The following KATNBL1 variants were observed in gnomAD, a reference collection of about 807,000 sequenced individuals.
KATNBL1 encodes the protein KATNB1-like protein 1.
In KATNBL1, 28 loss-of-function variants were observed where a neutral mutation model predicts 44.7. The ratio of observed to expected loss-of-function variants is 0.63; its 90% CI spans 0.46 to 0.86. The LOEUF is 0.86. Ranked by LOEUF, KATNBL1 falls within the 40% of genes least tolerant of loss-of-function variation. The pLI is 0.00. For synonymous variants in KATNBL1, 78 were observed against 114.9 expected, an observed-to-expected ratio of 0.68 and a Z score of 2.06; for missense variants, 272 against 350.7, an observed-to-expected ratio of 0.78 and a Z score of 1.79.
At chr15:34,186,371 C>T (rs375183200) in intron 1 of KATNBL1, among the ~76,000 whole-genome samples, 3 of 152,208 alleles carry the variant, frequency 2.0e-5, no homozygotes, top group Non-Finnish European at 4.4e-5. Context: ...AAGCAGGAGC[C>T]CTGCCCAGGT....
intron 1 of KATNBL1, among the ~76,000 whole-genome samples, chr15:34,202,110 A>G (rs79751246): frequency 0.067 from 10,231 of 152,322 alleles, 393 homozygotes; most frequent in Middle Eastern, 0.11. Context: ...ATGAATGTAT[A>G]CATACATAAA....
chr15:34,199,467 T>G (rs1171125499), intron 1 of KATNBL1: 1 of 152,120 alleles, frequency 6.6e-6, no homozygotes, highest in African/African-American at 2.4e-5. Context: ...ATTTACCAAA[T>G]TAACAGAGCC....
rs1465266385 is a variant in KATNBL1 at position 34,141,425 on chromosome 15, T to C, written c.*914A>G. On this transcript the variant is annotated 3_prime_UTR_variant, in exon 10 of 10. Coordinates refer to ENST00000256544, the MANE Select transcript of KATNBL1 (RefSeq NM_024713.3). Reference sequence around the variant, plus strand: ...GAAATATTTAGTGAATTTACTCAAATGAAGGAAGTTTAAATGATACAGGAA... The same window carrying C: ...GAAATATTTAGTGAATTTACTCAAACGAAGGAAGTTTAAATGATACAGGAA... 6.6e-6 allele frequency: 1 copy of C among 152,538 alleles called. No homozygotes were observed. Among genetic ancestry groups the C allele is most frequent in the Non-Finnish European group, 1.5e-5 (1 of 67,982 alleles). The allele number at this position is 152,538 out of a possible 1,614,324, so 9.4% of individuals were successfully genotyped here.
chr15:34,144,052 T>C (rs929433798), intron 9 of KATNBL1, among the ~76,000 whole-genome samples: 5 of 144,396 alleles, frequency 3.5e-5, no homozygotes, highest in South Asian at 2.2e-4. Context: ...ATTTTGCTTC[T>C]TTTTTTTGAA....
At chr15:34,176,087 T>G (rs1485569822) in intron 1 of KATNBL1, among the ~76,000 whole-genome samples, 1 of 151,958 alleles carries the variant, frequency 6.6e-6, no homozygotes, top group Non-Finnish European at 1.5e-5. Flanking sequence ...CAAAAAGGAA[T>G]GAAGTGGCCA....
chr15:34,170,493 G>A (rs1447792922), intron 1 of KATNBL1, among the ~76,000 whole-genome samples: 11 of 152,136 alleles, frequency 7.2e-5, no homozygotes, highest in South Asian at 2.1e-4. Context: ...AATCAATATC[G>A]TGAAAATGGC....
intron 1 of KATNBL1, among the ~76,000 whole-genome samples, chr15:34,202,296 G>A (rs935617909): frequency 2.0e-5 from 3 of 152,096 alleles, no homozygotes; most frequent in African/African-American, 7.2e-5. Context: ...TCATTATTTG[G>A]ACTAATGTCA....
chr15:34,164,219 G>C (rs1055337139), intron 1 of KATNBL1, among the ~76,000 whole-genome samples: 1 of 152,156 alleles, frequency 6.6e-6, no homozygotes, highest in Non-Finnish European at 1.5e-5. Context: ...ATTGGAACCA[G>C]TGACAATAAT....
intron 1 of KATNBL1, among the ~76,000 whole-genome samples, chr15:34,166,728 T>C (rs7179357): frequency 0.97 from 147,839 of 152,288 alleles, 71,902 homozygotes; most frequent in East Asian, 1. Flanking sequence ...CCCTCTGGAA[T>C]GAAGCTTCCA....
chr15:34,149,557 T>C (rs1392194864), intron 4 of KATNBL1, among the ~76,000 whole-genome samples: 1 of 152,104 alleles, frequency 6.6e-6, no homozygotes. Context: ...CCCGAGTAGC[T>C]GGGATTACAG....
At chr15:34,146,934 A>G (rs1888327621) in intron 7 of KATNBL1, 84 bp from the exon 8 acceptor site, 1 of 790,400 alleles carries the variant, frequency 1.3e-6, no homozygotes, top group Middle Eastern at 2.3e-4. Context: ...CTCCCAAAAA[A>G]CACACACACA....
chr15:34,143,137 G>C (rs1011034292), intron 9 of KATNBL1: 1 of 626,024 alleles, frequency 1.6e-6, no homozygotes, highest in Admixed American at 3.2e-5. Context: ...AATAATAAAT[G>C]GTACCTTAAA....
intron 1 of KATNBL1, among the ~76,000 whole-genome samples, chr15:34,190,630 G>C (rs979765372): frequency 1.3e-5 from 2 of 152,048 alleles, no homozygotes; most frequent in African/African-American, 4.8e-5. Context: ...AGTTAAAGAA[G>C]GTAATGGGAA....
At chr15:34,206,224 C>T (rs1000396461) in intron 1 of KATNBL1, among the ~76,000 whole-genome samples, 2 of 152,122 alleles carry the variant, frequency 1.3e-5, no homozygotes, top group South Asian at 2.1e-4. Flanking sequence ...TCTCATGACT[C>T]ATACATAGGT....
chr15:34,152,496 T>A (rs753758169), intron 4 of KATNBL1, among the ~76,000 whole-genome samples: 81 of 152,244 alleles, frequency 5.3e-4, no homozygotes, highest in Non-Finnish European at 9.8e-4. Context: ...AGTGCTCCAC[T>A]TTTTTAGGCA....
rs1555530408 is a variant in KATNBL1 at position 34,193,229 on chromosome 15, A to AAAGAAAC, written c.-15+16721_-15+16722insGTTTCTT. ...GAGACTCCGTCTCAAAAAAAAAAAA[A>AAAGAAAC]AAAAAACAAAAAAAAAACTTAAGGC... On this transcript the variant is annotated intron_variant, in intron 1 of 9. Coordinates refer to ENST00000256544, the MANE Select transcript of KATNBL1 (RefSeq NM_024713.3). Among the ~76,000 whole-genome samples, 14 of 127,912 alleles carry AAAGAAAC rather than the reference A, an allele frequency of 1.1e-4. No individual in the cohort carries two copies. The East Asian group carries it at 3.0e-3, about 28-fold the overall frequency. 83.9% of individuals were successfully genotyped at this position (127,912 alleles called of 152,430 possible).
intron 1 of KATNBL1, among the ~76,000 whole-genome samples, chr15:34,186,652 G>A (rs1310334710): frequency 3.9e-5 from 6 of 152,194 alleles, no homozygotes; most frequent in Admixed American, 3.3e-4. Flanking sequence ...CTACACCCTT[G>A]GGCGCCCCAG....
At chr15:34,199,315 G>A (rs1406821086) in intron 1 of KATNBL1, among the ~76,000 whole-genome samples, 2 of 151,992 alleles carry the variant, frequency 1.3e-5, no homozygotes, top group African/African-American at 4.8e-5. Context: ...CATGAGCCTC[G>A]AGTCCCAGCT....
At chr15:34,203,751 G>A (rs1295901978) in intron 1 of KATNBL1, among the ~76,000 whole-genome samples, 1 of 152,046 alleles carries the variant, frequency 6.6e-6, no homozygotes, top group Non-Finnish European at 1.5e-5. Flanking sequence ...GCAGTAGCAC[G>A]ATCTCAGCTC....
Sources: gnomAD v4.1 joint callset for allele counts (sites outside exome capture counted in the v4.1 genomes callset) on GRCh38, gnomAD v4.1.1 for gene constraint, MANE v1.5 for transcripts, NCBI Gene and HGNC (gene_info 2026-07-23, HGNC 2026-07-21) for gene names.